Variants in PDE4D observed in about 807,000 individuals in gnomAD.
PDE4D encodes the protein 3',5'-cyclic-AMP phosphodiesterase 4D.
A neutral mutation model predicts 87.4 loss-of-function variants in PDE4D; 24 were observed. That is an observed-to-expected ratio of 0.27 (90% CI 0.20 to 0.39). The LOEUF is 0.39. Ranked by LOEUF, PDE4D falls within the 10% of genes least tolerant of loss-of-function variation. The pLI, the probability that PDE4D is intolerant of heterozygous loss-of-function variation, is 1.00. For synonymous variants in PDE4D, 384 were observed against 383.2 expected (o/e 1.00, Z -0.02); for missense variants, 714 against 1,041.0 (o/e 0.69, Z 4.32).
intron 1 of PDE4D, among the ~76,000 whole-genome samples, chr5:59,301,044 G>A (rs1202131855): frequency 6.6e-6 from 1 of 152,130 alleles, no homozygotes; most frequent in African/African-American, 2.4e-5. Context: ...ACCTGGCTGT[G>A]CCAACCTCCA....
intron 2 of PDE4D, among the ~76,000 whole-genome samples, chr5:60,106,565 GCACCA>G (rs1224634320): frequency 1.3e-5 from 2 of 151,716 alleles, no homozygotes; most frequent in East Asian, 3.9e-4. Flanking sequence ...ATTTTTTTCA[GCACCA>G]CACCACACCT....
intron 1 of PDE4D, among the ~76,000 whole-genome samples, chr5:59,357,649 T>A (rs1385049076): frequency 6.6e-6 from 1 of 152,190 alleles, no homozygotes; most frequent in South Asian, 2.1e-4. Flanking sequence ...ATTTCTTAAC[T>A]CTGATAAATC....
intron 2 of PDE4D, among the ~76,000 whole-genome samples, chr5:60,064,730 G>A (rs537701976): frequency 2.0e-5 from 3 of 152,150 alleles, no homozygotes; most frequent in African/African-American, 7.2e-5. Context: ...TCTCCTCTTA[G>A]ATTAAATCAA....
intron 1 of PDE4D, among the ~76,000 whole-genome samples, chr5:59,443,463 T>C (rs1797929434): frequency 6.6e-6 from 1 of 152,244 alleles, no homozygotes; most frequent in Non-Finnish European, 1.5e-5. Context: ...CTGAACAGCA[T>C]GTTCCATTTA....
chr5:60,162,004 C>T (rs1171349044), intron 2 of PDE4D, among the ~76,000 whole-genome samples: 1 of 152,074 alleles, frequency 6.6e-6, no homozygotes, highest in African/African-American at 2.4e-5. Context: ...AAAGCATCAA[C>T]CTACCACCAT....
intron 1 of PDE4D, among the ~76,000 whole-genome samples, chr5:59,873,447 A>G (rs1748116568): frequency 6.6e-6 from 1 of 152,230 alleles, no homozygotes; most frequent in South Asian, 2.1e-4. Flanking sequence ...TTGCCACTCC[A>G]ACTATGCAGA....
At chr5:60,233,085 A>G (rs1324495787) in intron 1 of PDE4D, among the ~76,000 whole-genome samples, 4 of 151,680 alleles carry the variant, frequency 2.6e-5, no homozygotes, top group African/African-American at 7.3e-5. Flanking sequence ...TCAAAGTGAA[A>G]TCTCATGGGA....
At chr5:60,445,257 C>G (rs1427473779) in intron 1 of PDE4D, among the ~76,000 whole-genome samples, 1 of 152,122 alleles carries the variant, frequency 6.6e-6, no homozygotes, top group Non-Finnish European at 1.5e-5. Context: ...AGATGTTTAA[C>G]TGCATTACAG....
At chr5:59,300,112 A>C (rs1239084255) in intron 1 of PDE4D, among the ~76,000 whole-genome samples, 1 of 49,146 alleles carries the variant, frequency 2.0e-5, no homozygotes, top group Non-Finnish European at 5.1e-5. Context: ...GGTCTGTCTC[A>C]AAAAAAAAAA....
Position 59,926,109 on chromosome 5 carries a change from G to GT in PDE4D, c.272+62378dup, listed in dbSNP as rs754904354. ...AATCAGTCTTAAGGATAGACCACAT[G>GT]TTAGGCCACAAAATAAGTCTTAAAA... On this transcript the variant is annotated intron_variant, in intron 3 of 16. Coordinates refer to the PDE4D transcript ENST00000502484. Among the ~76,000 whole-genome samples, 180 of 152,112 alleles carry GT rather than the reference G, an allele frequency of 1.2e-3. 2 individuals carry two copies. The highest frequency in any genetic ancestry group is 6.8e-3 in the Middle Eastern group (2 of 294).
chr5:60,205,040 G>A (rs1005240538), intron 1 of PDE4D, among the ~76,000 whole-genome samples: 6 of 152,104 alleles, frequency 3.9e-5, no homozygotes, highest in Non-Finnish European at 7.4e-5. Context: ...CGTGTGCCCC[G>A]TTTTCAGCAG....
At chr5:59,888,114 T>C (rs1750436918) in intron 1 of PDE4D, among the ~76,000 whole-genome samples, 1 of 152,228 alleles carries the variant, frequency 6.6e-6, no homozygotes, top group African/African-American at 2.4e-5. Flanking sequence ...TTCTCGACAT[T>C]CCATAATCTT....
intron 1 of PDE4D, among the ~76,000 whole-genome samples, chr5:59,286,885 A>AT (rs1355058534): frequency 1.3e-5 from 2 of 150,122 alleles, no homozygotes; most frequent in Admixed American, 1.3e-4. Context: ...AAGACCATTT[A>AT]TTTTTTATTT....
chr5:59,970,441 T>C (rs1451537122), intron 3 of PDE4D, among the ~76,000 whole-genome samples: 1 of 151,714 alleles, frequency 6.6e-6, no homozygotes, highest in Non-Finnish European at 1.5e-5. Context: ...TGGGAGAAAA[T>C]TTTCGCAACC....
intron 2 of PDE4D, among the ~76,000 whole-genome samples, chr5:59,995,465 C>T (rs1243220222): frequency 6.6e-6 from 1 of 151,750 alleles, no homozygotes; most frequent in Non-Finnish European, 1.5e-5. Flanking sequence ...ATTACAGGCA[C>T]CTGCCACCAC....
At chr5:59,896,342 C>T (rs1352439627), upstream of PDE4D, among the ~76,000 whole-genome samples, 4 of 151,886 alleles carry the variant, frequency 2.6e-5, no homozygotes, top group African/African-American at 9.7e-5. Context: ...CTTGGCTGTA[C>T]CTAGGGAATA....
chr5:60,101,743 G>A (rs969869280), intron 2 of PDE4D, among the ~76,000 whole-genome samples: 1 of 152,116 alleles, frequency 6.6e-6, no homozygotes, highest in African/African-American at 2.4e-5. Context: ...AATGCTAATG[G>A]AATTTCACAA....
intron 1 of PDE4D, among the ~76,000 whole-genome samples, chr5:59,615,308 G>A (rs1170986545): frequency 6.6e-6 from 1 of 152,136 alleles, no homozygotes; most frequent in Non-Finnish European, 1.5e-5. Flanking sequence ...TTTGAATTGG[G>A]AGTAGTCCTG....
chr5:59,488,237 C>T (rs1452463748), intron 1 of PDE4D, among the ~76,000 whole-genome samples: 2 of 151,332 alleles, frequency 1.3e-5, no homozygotes, highest in African/African-American at 4.9e-5. Context: ...TAAAGTGTTG[C>T]CATTTCTAAG....
Sources: allele counts gnomAD v4.1 joint callset (sites outside exome capture counted in the v4.1 genomes callset), GRCh38; gene constraint gnomAD v4.1.1; transcripts MANE v1.5; gene names NCBI Gene and HGNC (gene_info 2026-07-23, HGNC 2026-07-21).